ZFAT: variants seen among roughly 807,000 people sequenced by gnomAD.
The protein encoded by ZFAT is zinc finger protein ZFAT.
ZFAT carries 64 observed loss-of-function variants against 117.7 expected under a neutral mutation model. That is an observed-to-expected ratio of 0.54 (90% CI 0.44 to 0.67). The LOEUF (loss-of-function observed/expected upper bound fraction) is 0.67, where lower values mean the gene tolerates loss of function less well. Ranked by LOEUF, ZFAT falls within the 30% of genes least tolerant of loss-of-function variation. ZFAT has a pLI of 0.00. For missense variants in ZFAT, 1,433 were observed against 1,584.5 expected, an observed-to-expected ratio of 0.90 and a Z score of 1.62; for synonymous variants, 679 against 615.0, an observed-to-expected ratio of 1.10 and a Z score of -1.54.
chr8:134,745,285 G>A, the ZFAT span, among the ~76,000 whole-genome samples: 572 of 152,244 alleles, frequency 3.8e-3, 4 homozygotes, highest in East Asian at 0.012. Flanking sequence ...TCCTTAAGAC[G>A]TGCAATGCCA....
chr8:134,662,762 G>T (rs982753938), intron 1 of ZFAT, among the ~76,000 whole-genome samples: 8 of 152,224 alleles, frequency 5.3e-5, no homozygotes, highest in African/African-American at 1.9e-4. Context: ...TGGTCAGCAG[G>T]GAGGCAAGCG....
At chr8:134,494,367 AGG>A (rs1818273845) in intron 15 of ZFAT, among the ~76,000 whole-genome samples, 1 of 132,464 alleles carries the variant, frequency 7.5e-6, no homozygotes, top group Admixed American at 7.7e-5. Context: ...GTCAGCCTGA[AGG>A]GCAGCAGGTG....
At chr8:134,623,948 T>C (rs577973487) in intron 3 of ZFAT, among the ~76,000 whole-genome samples, 8 of 152,052 alleles carry the variant, frequency 5.3e-5, no homozygotes, top group Admixed American at 2.0e-4. Context: ...CCACCAGCTG[T>C]TCCCCACACT....
At chr8:134,808,570 G>C in the ZFAT span, among the ~76,000 whole-genome samples, 1 of 152,128 alleles carries the variant, frequency 6.6e-6, no homozygotes, top group African/African-American at 2.4e-5. Context: ...AGAGTCACAG[G>C]GAATGGTAAC....
chr8:134,694,224 G>A (rs1343848597), intron 1 of ZFAT, among the ~76,000 whole-genome samples: 1 of 152,226 alleles, frequency 6.6e-6, no homozygotes, highest in African/African-American at 2.4e-5. Context: ...CCGCCATAAA[G>A]GGTGTCGCTG....
intron 1 of ZFAT, among the ~76,000 whole-genome samples, chr8:134,662,804 A>T (rs1338472416): frequency 1.1e-4 from 17 of 152,276 alleles, no homozygotes; most frequent in Non-Finnish European, 2.4e-4. Context: ...GCATGTAAAA[A>T]GGCCAGAGGG....
intron 11 of ZFAT, among the ~76,000 whole-genome samples, chr8:134,552,471 C>A (rs1168671204): frequency 6.6e-6 from 1 of 152,200 alleles, no homozygotes; most frequent in Non-Finnish European, 1.5e-5. Context: ...TATGAAAATA[C>A]TTTTAGTTAT....
chr8:134,599,473 AG>A (rs1827240134), intron 7 of ZFAT: 1 of 264,956 alleles, frequency 3.8e-6, no homozygotes, highest in Non-Finnish European at 7.4e-6. Flanking sequence ...TATTTCATAC[AG>A]GTCTCAGGGA....
At chr8:134,492,751 A>G (rs1357698220) in intron 15 of ZFAT, among the ~76,000 whole-genome samples, 2 of 152,374 alleles carry the variant, frequency 1.3e-5, no homozygotes, top group Admixed American at 1.3e-4. Flanking sequence ...GAATTTATAG[A>G]GGAAAGAAAA....
chr8:134,611,110 G>A lies in ZFAT; in HGVS notation c.449-455C>T, dbSNP rs1429020200. 5.3e-5 allele frequency among the ~76,000 whole-genome samples: 8 copies of A among 152,248 alleles called. No homozygotes were observed. In the East Asian group the frequency reaches 1.5e-3, roughly 29 times the overall value. On this transcript the variant is annotated intron_variant, in intron 3 of 15. Coordinates refer to ENST00000377838, the MANE Select transcript of ZFAT (RefSeq NM_020863.4). ...ATAAGGTACAGACCCTGCTCTTGAG[G>A]GCCCCACCGTGCAGGGGGAGAGGCA...
intron 7 of ZFAT, chr8:134,595,019 G>C (rs1290836676): frequency 6.6e-6 from 1 of 152,196 alleles, no homozygotes; most frequent in Non-Finnish European, 1.5e-5. Context: ...TTATGGTGGA[G>C]GCAGGAGCCC....
rs1829664569 is a variant in ZFAT at position 134,628,381 on chromosome 8, G to A, written c.448+9080C>T. 2.0e-5 allele frequency among the ~76,000 whole-genome samples: 3 copies of A among 152,292 alleles called. No individual in the cohort carries two copies. The South Asian group carries it at 6.2e-4, about 32-fold the overall frequency. ...AGAGGGTAAGAAGTCAGGGTGCAGA[G>A]CAGGCAGCGGCTAGGTCCTAAGTAA... is the stretch of plus-strand genomic sequence containing the variant. On this transcript the variant is annotated intron_variant, in intron 3 of 15. Coordinates refer to ENST00000377838, the MANE Select transcript of ZFAT (RefSeq NM_020863.4).
intron 1 of ZFAT, among the ~76,000 whole-genome samples, chr8:134,705,690 G>A (rs1490433231): frequency 1.3e-5 from 2 of 149,678 alleles, no homozygotes; most frequent in East Asian, 3.9e-4. Context: ...CACCAAGCCT[G>A]GCTAATTTTT....
the ZFAT span, among the ~76,000 whole-genome samples, chr8:134,746,413 A>G: frequency 6.6e-6 from 1 of 152,176 alleles, no homozygotes; most frequent in African/African-American, 2.4e-5. Context: ...CACCCACCTG[A>G]TATGGATACT....
chr8:134,678,502 C>T (rs965903180), intron 1 of ZFAT, among the ~76,000 whole-genome samples: 3 of 152,148 alleles, frequency 2.0e-5, no homozygotes, highest in Non-Finnish European at 4.4e-5. Context: ...TGAAAATGGC[C>T]ATACTGCCCA....
At chr8:134,734,212 C>T in the ZFAT span, among the ~76,000 whole-genome samples, 15 of 152,266 alleles carry the variant, frequency 9.9e-5, no homozygotes, top group Non-Finnish European at 1.9e-4. Context: ...CCCACCACCA[C>T]TTCAGGATAC....
chr8:134,754,107 A>C, the ZFAT span, among the ~76,000 whole-genome samples: 11 of 152,254 alleles, frequency 7.2e-5, no homozygotes, highest in Non-Finnish European at 1.2e-4. Flanking sequence ...CTGGGGAAGC[A>C]GGGTGAAAAA....
intron 3 of ZFAT, among the ~76,000 whole-genome samples, chr8:134,634,909 G>T (rs563921064): frequency 6.6e-6 from 1 of 152,142 alleles, no homozygotes; most frequent in African/African-American, 2.4e-5. Flanking sequence ...GGCGGGGTGG[G>T]GTGGTTTGGG....
chr8:134,761,982 A>ATGTGTGTGTGTGTG, the ZFAT span, among the ~76,000 whole-genome samples: 748 of 147,240 alleles, frequency 5.1e-3, 7 homozygotes, highest in African/African-American at 0.016. Context: ...TTCTCTCTGT[A>ATGTGTGTGTGTGTG]TGTGTGTGTG....
Sources: allele counts gnomAD v4.1 joint callset (sites outside exome capture counted in the v4.1 genomes callset), GRCh38; gene constraint gnomAD v4.1.1; transcripts MANE v1.5; gene names NCBI Gene and HGNC (gene_info 2026-07-23, HGNC 2026-07-21).